EHD4: variants seen among roughly 807,000 people sequenced by gnomAD.
EHD4 encodes the protein EH domain-containing protein 4.
Under a neutral mutation model 51.0 loss-of-function variants are expected in EHD4, and 37 were observed. The observed-to-expected ratio is 0.73, with a 90% CI of 0.56 to 0.95. EHD4 has a LOEUF of 0.95. EHD4 is among the 40% of genes least tolerant of loss of function. EHD4 has a pLI of 0.00. For synonymous variants in EHD4, 297 were observed against 317.3 expected (o/e 0.94, Z 0.68); for missense variants, 632 against 733.1 (o/e 0.86, Z 1.59).
At chr15:41,937,601 G>A (rs2140996771) in intron 3 of EHD4, among the ~76,000 whole-genome samples, 1 of 152,310 alleles carries the variant, frequency 6.6e-6, no homozygotes. Flanking sequence ...GCATATGTGT[G>A]TGTTTTCCTC....
At position 41,909,732 on chromosome 15, in the gene EHD4, A is replaced by G; in HGVS notation, c.1056T>C (p.Ser352=). ...YIQLQREYQI[S]AGDFPEVKAM... ...CCTTGACCTCAGGGAAGTCCCCTGCAGAAATCTGGTATTCTCGCTGTAGCT... is the reference window on the plus strand; with the variant it reads ...CCTTGACCTCAGGGAAGTCCCCTGCGGAAATCTGGTATTCTCGCTGTAGCT... The change falls in exon 5 of 6, where the codon TCT becomes TCC. Residue 352 remains serine, a synonymous_variant. Transcript: ENST00000220325. 1.9e-6 allele frequency: 3 copies of G among 1,614,198 alleles called. No homozygotes were observed. The highest frequency in any genetic ancestry group is 2.5e-6 in the Non-Finnish European group (3 of 1,180,040).
intron 2 of EHD4, among the ~76,000 whole-genome samples, chr15:41,944,519 G>A (rs886104149): frequency 1.3e-5 from 2 of 152,226 alleles, no homozygotes; most frequent in African/African-American, 4.8e-5. Flanking sequence ...CCTCCACAGT[G>A]CACATGTGGA....
intron 1 of EHD4, among the ~76,000 whole-genome samples, chr15:41,963,320 A>T (rs552304050): frequency 2.4e-4 from 36 of 149,624 alleles, no homozygotes; most frequent in African/African-American, 8.8e-4. Context: ...AAAAAGAGGC[A>T]GGGCACGGTG....
chr15:41,944,091 G>A (rs2067795645), intron 2 of EHD4, among the ~76,000 whole-genome samples: 1 of 152,208 alleles, frequency 6.6e-6, no homozygotes, highest in African/African-American at 2.4e-5. Context: ...TCTAGCCTGT[G>A]GGTCAGCAGA....
At chr15:41,918,281 T>C (rs2067599452) in intron 4 of EHD4, among the ~76,000 whole-genome samples, 1 of 151,726 alleles carries the variant, frequency 6.6e-6, no homozygotes, top group South Asian at 2.1e-4. Flanking sequence ...CACAAGGCCA[T>C]GTGTGCACGC....
In EHD4 at chr15:41,906,379, G is replaced by T. The variant is rs924615122; in HGVS notation, c.1089+3320C>A. On this transcript the variant is annotated intron_variant, in intron 5 of 5. Transcript: ENST00000220325. ...CACTGGGGAGATGACCTGACTTCAG[G>T]AGAGACAACCCAATCTTCCCATCCC... Among the ~76,000 whole-genome samples the T allele has an allele frequency of 2.0e-5, 3 of 152,160 alleles. No individual in the cohort carries two copies. In the South Asian group the frequency reaches 6.2e-4, roughly 32 times the overall value.
At chr15:41,959,320 C>T (rs946707084) in intron 1 of EHD4, among the ~76,000 whole-genome samples, 5 of 147,444 alleles carry the variant, frequency 3.4e-5, no homozygotes, top group African/African-American at 7.6e-5. Flanking sequence ...GGCGTGAACC[C>T]GGGAGGCTGA....
chr15:41,950,692 G>C (rs1450779073), intron 2 of EHD4, among the ~76,000 whole-genome samples: 1 of 152,150 alleles, frequency 6.6e-6, no homozygotes, highest in Non-Finnish European at 1.5e-5. Context: ...CCTTACACGT[G>C]AGCCTGACAC....
At chr15:41,905,965 T>A (rs1462031520) in intron 5 of EHD4, among the ~76,000 whole-genome samples, 1 of 152,232 alleles carries the variant, frequency 6.6e-6, no homozygotes, top group East Asian at 1.9e-4. Context: ...AGCCACTATG[T>A]CCAGCCTCAT....
intron 1 of EHD4, among the ~76,000 whole-genome samples, chr15:41,955,942 C>T (rs200695431): frequency 4.6e-5 from 7 of 152,314 alleles, no homozygotes; most frequent in African/African-American, 1.2e-4. Flanking sequence ...TTGATTTTTA[C>T]GCCCTGTGGC....
At chr15:41,934,030 C>T (rs1216976105) in intron 3 of EHD4, among the ~76,000 whole-genome samples, 3 of 152,154 alleles carry the variant, frequency 2.0e-5, no homozygotes, top group Admixed American at 6.5e-5. Context: ...CCCACCCCAT[C>T]GTCTCTCTCA....
chr15:41,959,702 T>C (rs1454007253), intron 1 of EHD4, among the ~76,000 whole-genome samples: 1 of 152,166 alleles, frequency 6.6e-6, no homozygotes, highest in Non-Finnish European at 1.5e-5. Flanking sequence ...GCACGGTGGC[T>C]CACACCTGTA....
At chr15:41,923,309 G>T (rs921332937) in intron 3 of EHD4, among the ~76,000 whole-genome samples, 11 of 152,164 alleles carry the variant, frequency 7.2e-5, no homozygotes, top group Non-Finnish European at 1.5e-4. Context: ...GCATGTGTCA[G>T]AGTCTCTCCC....
At chr15:41,911,088 T>G (rs2067546557) in intron 4 of EHD4, among the ~76,000 whole-genome samples, 1 of 152,210 alleles carries the variant, frequency 6.6e-6, no homozygotes, top group Non-Finnish European at 1.5e-5. Context: ...GGCCCGTGTG[T>G]GGACACATGC....
chr15:41,906,961 G>A (rs1243809752), intron 5 of EHD4, among the ~76,000 whole-genome samples: 7 of 152,202 alleles, frequency 4.6e-5, no homozygotes, highest in Admixed American at 2.0e-4. Flanking sequence ...AGTGGGCCAT[G>A]GCTGCTCCTG....
At chr15:41,962,867 G>T (rs1270447950) in intron 1 of EHD4, among the ~76,000 whole-genome samples, 1 of 152,156 alleles carries the variant, frequency 6.6e-6, no homozygotes, top group East Asian at 1.9e-4. Context: ...GGAAATGTGG[G>T]GAAAAGAAAG....
intron 1 of EHD4, among the ~76,000 whole-genome samples, chr15:41,963,599 C>CA (rs763703781): frequency 0.029 from 1,799 of 61,932 alleles, 16 homozygotes; most frequent in Middle Eastern, 0.12. Context: ...GAGTCTGTTT[C>CA]AAAAAAAAAA....
intron 1 of EHD4, among the ~76,000 whole-genome samples, chr15:41,957,504 T>A (rs2067895364): frequency 6.6e-6 from 1 of 152,164 alleles, no homozygotes; most frequent in Non-Finnish European, 1.5e-5. Flanking sequence ...GTAGGAATGA[T>A]TTGAGTCAGC....
chr15:41,947,191 G>T (rs1380589051), intron 2 of EHD4, among the ~76,000 whole-genome samples: 1 of 152,176 alleles, frequency 6.6e-6, no homozygotes, highest in African/African-American at 2.4e-5. Flanking sequence ...TGGAACCACT[G>T]CTGTGTGGCA....
Sources: allele counts gnomAD v4.1 joint callset (sites outside exome capture counted in the v4.1 genomes callset), GRCh38; gene constraint gnomAD v4.1.1; transcripts MANE v1.5; gene names NCBI Gene and HGNC (gene_info 2026-07-23, HGNC 2026-07-21).